The following SLC12A8 variants were observed in gnomAD, a reference collection of about 807,000 sequenced individuals.
SLC12A8 encodes the protein solute carrier family 12 member 8.
A neutral mutation model predicts 75.6 loss-of-function variants in SLC12A8; 69 were observed. The observed-to-expected ratio is 0.91, with a 90% CI of 0.75 to 1.11. The LOEUF (loss-of-function observed/expected upper bound fraction) is 1.11. Ranked by LOEUF, SLC12A8 falls within the 50% of genes most tolerant of loss-of-function variation. The pLI is 0.00. For missense variants in SLC12A8, 877 were observed against 896.7 expected (o/e 0.98, Z 0.28); for synonymous variants, 365 against 372.8 (o/e 0.98, Z 0.24).
At chr3:125,212,400 C>T (rs1156397127) in intron 1 of SLC12A8, among the ~76,000 whole-genome samples, 1 of 151,966 alleles carries the variant, frequency 6.6e-6, no homozygotes, top group Non-Finnish European at 1.5e-5. Flanking sequence ...GCGGCCTCCG[C>T]AGGCCGCCCC....
intron 7 of SLC12A8, 125 bp downstream of exon 7, chr3:125,120,474 A>G: frequency 1.3e-6 from 1 of 757,922 alleles, no homozygotes; most frequent in South Asian, 1.5e-5. Context: ...TAAAAGAAGG[A>G]TCGGAATATG....
chr3:125,173,525 A>G (rs1934454259), intron 5 of SLC12A8, among the ~76,000 whole-genome samples: 2 of 151,968 alleles, frequency 1.3e-5, no homozygotes. Flanking sequence ...ATATTAACTC[A>G]ATCTGGATCA....
chr3:125,115,928 T>G (rs1419014693), intron 8 of SLC12A8, among the ~76,000 whole-genome samples: 1 of 152,178 alleles, frequency 6.6e-6, no homozygotes, highest in Non-Finnish European at 1.5e-5. Flanking sequence ...GAACAGGTTA[T>G]CAGGGTGGCC....
At chr3:125,085,337 CAGTTGCT>C (rs1429875385) in intron 13 of SLC12A8, among the ~76,000 whole-genome samples, 2 of 152,206 alleles carry the variant, frequency 1.3e-5, no homozygotes, top group East Asian at 3.8e-4. Flanking sequence ...CTCATTTGGA[CAGTTGCT>C]AGTGCTTCAA....
At chr3:125,165,121 T>C (rs1211987912) in intron 5 of SLC12A8, among the ~76,000 whole-genome samples, 1 of 152,008 alleles carries the variant, frequency 6.6e-6, no homozygotes, top group Non-Finnish European at 1.5e-5. Flanking sequence ...CCAGCCCACC[T>C]CCCTCCCACC....
Position 125,118,795 on chromosome 3 carries a change from G to A in SLC12A8, c.886C>T (p.Arg296Cys), listed in dbSNP as rs1293211985. The change falls in exon 8 of 14, where the codon CGC becomes TGC. Residue 296 changes from arginine (R) to cysteine (C), a missense_variant. Coordinates refer to ENST00000469902, the MANE Select transcript of SLC12A8 (RefSeq NM_024628.6). The part of the protein sequence containing the change: ...LGAICTREAL[R>C]YDFLIAEKVS... ...TTTTCCGCTATCAGGAAGTCATAGC[G>A]AAGGGCCTCTCGAGTGCAGATGGCG... 12 of 1,613,732 alleles carry A rather than the reference G, an allele frequency of 7.4e-6. No individual in the cohort carries two copies. Among genetic ancestry groups the A allele is most frequent in the Middle Eastern group, 1.6e-4 (1 of 6,072 alleles).
chr3:125,100,869 C>T (rs1416925538), intron 10 of SLC12A8, among the ~76,000 whole-genome samples: 36 of 147,994 alleles, frequency 2.4e-4, no homozygotes, highest in African/African-American at 3.2e-4. Flanking sequence ...AAAAATTAGC[C>T]GGGCGCGGTG....
intron 4 of SLC12A8, among the ~76,000 whole-genome samples, chr3:125,180,488 TC>T (rs1204241429): frequency 6.6e-6 from 1 of 152,086 alleles, no homozygotes; most frequent in Admixed American, 6.5e-5. Context: ...AGGCCAGAAG[TC>T]TGAGACTAGC....
chr3:125,151,708 T>G (rs926426573), intron 5 of SLC12A8, among the ~76,000 whole-genome samples: 2 of 152,240 alleles, frequency 1.3e-5, no homozygotes, highest in Non-Finnish European at 2.9e-5. Flanking sequence ...CTTACGTTTA[T>G]TTAGAATCTT....
At chr3:125,202,366 C>CTG (rs1353627715) in intron 2 of SLC12A8, among the ~76,000 whole-genome samples, 2 of 152,220 alleles carry the variant, frequency 1.3e-5, no homozygotes, top group Non-Finnish European at 2.9e-5. Context: ...TTACTCTCCC[C>CTG]TACAGGAAGC....
chr3:125,136,288 C>A (rs1344006309), intron 5 of SLC12A8, among the ~76,000 whole-genome samples: 1 of 152,166 alleles, frequency 6.6e-6, no homozygotes, highest in African/African-American at 2.4e-5. Context: ...CAGCCACACC[C>A]TGAGGAAGGC....
chr3:125,201,700 T>C (rs573685857), intron 2 of SLC12A8, among the ~76,000 whole-genome samples: 1 of 57,516 alleles, frequency 1.7e-5, no homozygotes, highest in African/African-American at 6.4e-5. Context: ...TAAGCCATGA[T>C]TGAAAAAAAA....
chr3:125,169,458 T>C (rs750244626), intron 5 of SLC12A8, among the ~76,000 whole-genome samples: 5 of 152,016 alleles, frequency 3.3e-5, no homozygotes, highest in Non-Finnish European at 7.4e-5. Context: ...CCCACTGTTA[T>C]TGGAAGTTTG....
chr3:125,151,158 C>T (rs1035650411), intron 5 of SLC12A8: 4 of 152,186 alleles, frequency 2.6e-5, no homozygotes, highest in African/African-American at 9.7e-5. Context: ...CCAGGGTTTT[C>T]TTCTTCTTTT....
intron 2 of SLC12A8, among the ~76,000 whole-genome samples, chr3:125,194,292 G>A (rs1934964531): frequency 6.6e-6 from 1 of 152,202 alleles, no homozygotes; most frequent in Admixed American, 6.5e-5. Flanking sequence ...AAGCCCCCAG[G>A]ACAAGAAGCC....
intron 6 of SLC12A8, among the ~76,000 whole-genome samples, chr3:125,130,030 G>C (rs957229051): frequency 1.7e-4 from 26 of 152,194 alleles, no homozygotes; most frequent in African/African-American, 5.5e-4. Flanking sequence ...CTTCACCTCA[G>C]TTGGGCCAAT....
intron 5 of SLC12A8, among the ~76,000 whole-genome samples, chr3:125,143,669 C>T (rs1260852803): frequency 1.3e-5 from 2 of 152,224 alleles, no homozygotes; most frequent in African/African-American, 4.8e-5. Flanking sequence ...TAGAAAGGAG[C>T]AGCCTAGAGC....
chr3:125,118,852 A>G lies in SLC12A8; in HGVS notation c.829T>C (p.Phe277Leu), dbSNP rs561795745. Reference sequence around the variant, plus strand: ...AGGAAGACGAAGATGATGTACAGAAACCACCTGCAAAACCCAAGAGCAGAA... The same window carrying G: ...AGGAAGACGAAGATGATGTACAGAAGCCACCTGCAAAACCCAAGAGCAGAA... ...GSLAAVGISWFLYIIFVFLLG... is the reference protein window; with the variant it reads ...GSLAAVGISWLLYIIFVFLLG... Residue 277 changes from phenylalanine (F) to leucine (L), a missense_variant, in exon 8 of 14, where the codon TTT becomes CTT. Transcript: ENST00000469902. The G allele has an allele frequency of 5.6e-6, 9 of 1,612,048 alleles. No homozygotes were observed. In the South Asian group the frequency reaches 8.8e-5, roughly 16 times the overall value.
Position 125,212,714 on chromosome 3 carries a change from G to C in SLC12A8, c.-60C>G, listed in dbSNP as rs1055266947. 3 of 153,322 alleles carry C rather than the reference G, an allele frequency of 2.0e-5. No individual in the cohort carries two copies. Among genetic ancestry groups the C allele is most frequent in the African/African-American group, 4.8e-5 (2 of 41,442 alleles). 9.5% of individuals were successfully genotyped at this position (153,322 alleles called of 1,614,324 possible). A position where few individuals can be genotyped will look rare whatever the true frequency, so the allele number is the denominator to read the frequency against. The stretch of plus-strand genomic sequence containing the variant: ...TCCGCCCTCACCTGCTCCTGGGACA[G>C]CCAGCTCCCAGCGCCCGGCCCGCCC... On this transcript the variant is annotated 5_prime_UTR_variant, in exon 1 of 14. Transcript: ENST00000469902.
Sources: gnomAD v4.1 joint callset for allele counts (sites outside exome capture counted in the v4.1 genomes callset) on GRCh38, gnomAD v4.1.1 for gene constraint, MANE v1.5 for transcripts, NCBI Gene and HGNC (gene_info 2026-07-23, HGNC 2026-07-21) for gene names.